ODAD2: variants seen among roughly 807,000 people sequenced by gnomAD.
The protein encoded by ODAD2 is outer dynein arm-docking complex subunit 2.
A neutral mutation model predicts 106.8 loss-of-function variants in ODAD2; 89 were observed. That is an observed-to-expected ratio of 0.83 (90% CI 0.70 to 0.99). ODAD2 has a LOEUF of 0.99. ODAD2 is among the 50% of genes least tolerant of loss of function. ODAD2 has a pLI of 0.00. For missense variants in ODAD2, 1,168 were observed against 1,238.5 expected, an observed-to-expected ratio of 0.94 and a Z score of 0.85; for synonymous variants, 404 against 436.2, an observed-to-expected ratio of 0.93 and a Z score of 0.92.
chr10:27,897,514 A>G (rs1384176228), intron 17 of ODAD2, among the ~76,000 whole-genome samples: 1 of 152,112 alleles, frequency 6.6e-6, no homozygotes, highest in African/African-American at 2.4e-5. Flanking sequence ...ATTCTTTCTT[A>G]TATTGTCTCT....
intron 10 of ODAD2, among the ~76,000 whole-genome samples, chr10:27,953,868 C>T (rs188365280): frequency 5.3e-5 from 8 of 152,244 alleles, no homozygotes; most frequent in African/African-American, 1.9e-4. Flanking sequence ...AAGAATACCA[C>T]GTGCTTCTGC....
chr10:27,942,210 T>C (rs1846508014), intron 12 of ODAD2, among the ~76,000 whole-genome samples: 1 of 152,232 alleles, frequency 6.6e-6, no homozygotes, highest in South Asian at 2.1e-4. Flanking sequence ...CAAAAATTTA[T>C]TCCTTGATTT....
chr10:27,901,554 T>C (rs1031313844), intron 17 of ODAD2, among the ~76,000 whole-genome samples: 2 of 152,170 alleles, frequency 1.3e-5, no homozygotes, highest in African/African-American at 4.8e-5. Flanking sequence ...CGGTGTGCTG[T>C]ATTCAGGAGA....
chr10:27,900,378 C>T (rs1293865223), intron 17 of ODAD2, among the ~76,000 whole-genome samples: 2 of 152,174 alleles, frequency 1.3e-5, no homozygotes, highest in African/African-American at 2.4e-5. Context: ...CACAAAAAGG[C>T]TGAAAATTCC....
rs143391103 is a variant in ODAD2, at chr10:27,913,709, G to A, written c.2496-5932C>T. On this transcript the variant is annotated intron_variant, in intron 16 of 19. Transcript: ENST00000305242. ...ATACTTCTCAAAAGAAGACATACAC[G>A]TGGCCAGCAAGCATATTAAAAAATG... is the stretch of plus-strand genomic sequence containing the variant. Among the ~76,000 whole-genome samples, 617 of 152,162 alleles carry A rather than the reference G, an allele frequency of 4.1e-3. 3 individuals carry two copies. Among genetic ancestry groups the A allele is most frequent in the African/African-American group, 0.014 (590 of 41,540 alleles).
chr10:27,860,561 CTAAG>C (rs1360538024), intron 19 of ODAD2, 60 bp downstream of exon 19: 63 of 1,494,878 alleles, frequency 4.2e-5, no homozygotes, highest in Non-Finnish European at 5.8e-5. Context: ...TTAGTGATGC[CTAAG>C]TTTCTTTCCA....
intron 19 of ODAD2, among the ~76,000 whole-genome samples, chr10:27,852,610 A>T (rs1463743543): frequency 6.6e-6 from 1 of 152,238 alleles, no homozygotes; most frequent in Non-Finnish European, 1.5e-5. Context: ...GAAAAAGATG[A>T]GTAAAGAGAA....
chr10:27,984,102 G>A (rs1849726917), intron 5 of ODAD2, 82 bp downstream of exon 5: 4 of 1,482,672 alleles, frequency 2.7e-6, no homozygotes, highest in African/African-American at 2.8e-5. Context: ...ACCTTCTCTT[G>A]TAATGTAGAC....
intron 17 of ODAD2, among the ~76,000 whole-genome samples, chr10:27,867,443 C>T (rs1312570919): frequency 6.6e-6 from 1 of 152,076 alleles, no homozygotes; most frequent in East Asian, 1.9e-4. Flanking sequence ...AGAGAAACTA[C>T]ACGGAATAGC....
At chr10:27,812,744 C>T (rs1489508136) in intron 19 of ODAD2, 119 bp from the exon 20 acceptor site, 1 of 1,357,616 alleles carries the variant, frequency 7.4e-7, no homozygotes, top group East Asian at 2.8e-5. Context: ...ACCAAAAAAG[C>T]ATAAGAAATT....
At chr10:27,900,292 C>T (rs1843111523) in intron 17 of ODAD2, among the ~76,000 whole-genome samples, 1 of 152,010 alleles carries the variant, frequency 6.6e-6, no homozygotes, top group Admixed American at 6.5e-5. Context: ...AGGACGTCCA[C>T]AAAAAATCCC....
At chr10:27,933,236 T>G (rs1291665295) in intron 16 of ODAD2, among the ~76,000 whole-genome samples, 1 of 152,158 alleles carries the variant, frequency 6.6e-6, no homozygotes. Context: ...GGTGACAGCC[T>G]GAGTCCCTGT....
At chr10:27,817,569 A>G (rs1836239413) in intron 19 of ODAD2, among the ~76,000 whole-genome samples, 1 of 152,134 alleles carries the variant, frequency 6.6e-6, no homozygotes, top group Non-Finnish European at 1.5e-5. Context: ...GCTCTCACTA[A>G]TAAGTGAGAA....
chr10:27,998,126 T>C (rs764401607), intron 1 of ODAD2, among the ~76,000 whole-genome samples: 2 of 152,188 alleles, frequency 1.3e-5, no homozygotes, highest in African/African-American at 4.8e-5. Context: ...CCGAATTCTT[T>C]AGGGGGCTAC....
intron 16 of ODAD2, among the ~76,000 whole-genome samples, chr10:27,933,302 T>C (rs770781726): frequency 1.6e-4 from 25 of 152,102 alleles, no homozygotes; most frequent in Non-Finnish European, 3.4e-4. Context: ...ACAATTGATA[T>C]TTGCAAGTAA....
chr10:27,994,889 T>A, intron 2 of ODAD2, 30 bp downstream of exon 2: 11 of 1,610,984 alleles, frequency 6.8e-6, no homozygotes, highest in Non-Finnish European at 9.3e-6. Flanking sequence ...AACGAAGATA[T>A]CAAATCCTAG....
intron 2 of ODAD2, among the ~76,000 whole-genome samples, chr10:27,993,951 G>A (rs567973353): frequency 4.6e-4 from 64 of 140,540 alleles, no homozygotes; most frequent in African/African-American, 1.5e-3. Flanking sequence ...AATAAACTGA[G>A]GCTGGCAAAT....
intron 7 of ODAD2, 102 bp downstream of exon 7, chr10:27,981,364 A>T: frequency 8.9e-7 from 1 of 1,128,568 alleles, no homozygotes; most frequent in Non-Finnish European, 1.2e-6. Context: ...AATAATAAAA[A>T]GTGCCCAAAA....
intron 19 of ODAD2, among the ~76,000 whole-genome samples, chr10:27,818,272 G>C (rs1054717977): frequency 6.6e-6 from 1 of 151,862 alleles, no homozygotes; most frequent in African/African-American, 2.4e-5. Context: ...GGATTGACTT[G>C]ATCCTTTGAT....
Sources: allele counts gnomAD v4.1 joint callset (sites outside exome capture counted in the v4.1 genomes callset), GRCh38; gene constraint gnomAD v4.1.1; transcripts MANE v1.5; gene names NCBI Gene and HGNC (gene_info 2026-07-23, HGNC 2026-07-21).